Variants in DYNC2H1 observed in about 807,000 individuals in gnomAD.
DYNC2H1 encodes dynein cytoplasmic 2 heavy chain 1, also known as cytoplasmic dynein 2 heavy chain 1.
A neutral mutation model predicts 570.0 loss-of-function variants in DYNC2H1; 410 were observed. The observed-to-expected ratio is 0.72, with a 90% CI of 0.66 to 0.78. DYNC2H1 has a LOEUF of 0.78. Among genes scored for constraint, DYNC2H1 ranks in the 30% least tolerant of loss-of-function variants. DYNC2H1 has a pLI of 0.00. For missense variants in DYNC2H1, 4,865 were observed against 5,046.4 expected (o/e 0.96, Z 1.09); for synonymous variants, 1,688 against 1,677.6 (o/e 1.01, Z -0.15).
At position 103,465,556 on chromosome 11, in the gene DYNC2H1, A is replaced by G. The variant is rs150582203; in HGVS notation, c.12649-3033A>G. 7.0e-3 allele frequency among the ~76,000 whole-genome samples: 1,059 copies of G among 152,224 alleles called. 42 individuals carry two copies. The highest frequency in any genetic ancestry group is 0.057 in the Admixed American group (869 of 15,284). Reference sequence around the variant, plus strand: ...AATACCAATTTATTATTTTCTCACAATTCTGTGGGTTGCCTAGTAGATCCT... The same window carrying G: ...AATACCAATTTATTATTTTCTCACAGTTCTGTGGGTTGCCTAGTAGATCCT... On this transcript the variant is annotated intron_variant, in intron 87 of 88. Transcript: ENST00000375735. This position sits in a 1 kb window ranked among gnomAD's most constrained non-coding sequence, Gnocchi z 4.9.
intron 83 of DYNC2H1, among the ~76,000 whole-genome samples, chr11:103,364,623 A>G (rs1047932008): frequency 6.7e-6 from 1 of 149,518 alleles, no homozygotes; most frequent in African/African-American, 2.5e-5. Flanking sequence ...TTAAGCAGGT[A>G]GTCAACCTAT....
rs187762465 is a variant in DYNC2H1 at position 103,421,424 on chromosome 11, A to G, written c.12367-14519A>G. ...CATTCTTCTCATTGCCACATGGTAC[A>G]TACTATAAAATTGATCACATAATTA... On this transcript the variant is annotated intron_variant, in intron 84 of 88. Transcript: ENST00000375735. Among the ~76,000 whole-genome samples the G allele has an allele frequency of 3.4e-3, 520 of 152,292 alleles. 3 individuals carry two copies. The highest frequency in any genetic ancestry group is 0.012 in the African/African-American group (491 of 41,578).
intron 47 of DYNC2H1, among the ~76,000 whole-genome samples, chr11:103,194,752 C>CT (rs1400077115): frequency 1.3e-5 from 2 of 151,982 alleles, no homozygotes; most frequent in Non-Finnish European, 2.9e-5. Context: ...GAGTCTCACT[C>CT]TGTTTCCCAG....
rs1228692792 is a variant in DYNC2H1 at position 103,185,727 on chromosome 11, T to C, written c.6634-515T>C. ...TCATTGTTACCACTCAGTGACATACTATATGCTGCTTTTAAGCACATACTC... is the reference window on the plus strand; with the variant it reads ...TCATTGTTACCACTCAGTGACATACCATATGCTGCTTTTAAGCACATACTC... On this transcript the variant is annotated intron_variant, in intron 41 of 88. Transcript: ENST00000375735. The surrounding 1 kb of genome is among the most constrained non-coding windows in gnomAD (Gnocchi z 4.5). Among the ~76,000 whole-genome samples, 1 of 151,956 alleles carries C rather than the reference T, an allele frequency of 6.6e-6. No homozygotes were observed. Among genetic ancestry groups the C allele is most frequent in the African/African-American group, 2.4e-5 (1 of 41,418 alleles).
chr11:103,168,535 G>A (rs536158458), intron 31 of DYNC2H1, among the ~76,000 whole-genome samples: 14 of 152,156 alleles, frequency 9.2e-5, no homozygotes, highest in Admixed American at 6.5e-4. Flanking sequence ...TTTTCTCTTG[G>A]AATTTTGATA....
chr11:103,291,445 A>AAATAAATAAATAAAT (rs1555091734), intron 75 of DYNC2H1, among the ~76,000 whole-genome samples: 90 of 151,746 alleles, frequency 5.9e-4, no homozygotes, highest in African/African-American at 2.0e-3. Context: ...CTCAATAAAT[A>AAATAAATAAATAAAT]AATAAATAAA....
intron 59 of DYNC2H1, among the ~76,000 whole-genome samples, chr11:103,224,039 C>T (rs1361506702): frequency 6.6e-6 from 1 of 152,070 alleles, no homozygotes; most frequent in African/African-American, 2.4e-5. Flanking sequence ...AGCCACCGTG[C>T]CTTGCTGGAA....
Position 103,186,128 on chromosome 11 carries a change from TAA to T in DYNC2H1, c.6634-112_6634-111del, listed in dbSNP as rs1862057645. ...AATGATAAAATAGGTTTAGTTTATG[TAA>T]AGTTTTCTTGGAACTAAGATGATTT... On this transcript the variant is annotated intron_variant, in intron 41 of 88. Transcript: ENST00000375735. The surrounding 1 kb of genome is among the most constrained non-coding windows in gnomAD (Gnocchi z 4.5). The T allele has an allele frequency of 2.9e-6, 3 of 1,050,944 alleles. No homozygotes were observed. The highest frequency in any genetic ancestry group is 2.5e-4 in the Middle Eastern group (1 of 3,958). The allele number at this position is 1,050,944 out of a possible 1,614,324, so 65.1% of individuals were successfully genotyped here. A position where few individuals can be genotyped will look rare whatever the true frequency, so the allele number is the denominator to read the frequency against.
chr11:103,418,395 T>C (rs1943363266), intron 84 of DYNC2H1, among the ~76,000 whole-genome samples: 2 of 152,264 alleles, frequency 1.3e-5, no homozygotes, highest in East Asian at 3.9e-4. Flanking sequence ...TTATTGAAAA[T>C]TGAAATTTAA....
intron 83 of DYNC2H1, among the ~76,000 whole-genome samples, chr11:103,364,040 T>G (rs1940779940): frequency 6.6e-6 from 1 of 152,128 alleles, no homozygotes; most frequent in South Asian, 2.1e-4. Flanking sequence ...ATTCTAGATA[T>G]CTGACAGAGA....
intron 17 of DYNC2H1, among the ~76,000 whole-genome samples, chr11:103,138,647 T>A (rs1565332768): frequency 1.3e-5 from 2 of 152,238 alleles, no homozygotes; most frequent in Admixed American, 6.5e-5. Flanking sequence ...ACATCGATGT[T>A]CATCAAGGAT....
intron 83 of DYNC2H1, among the ~76,000 whole-genome samples, chr11:103,386,554 G>T (rs2671400): frequency 0.67 from 101,476 of 151,258 alleles, 34,124 homozygotes; most frequent in Admixed American, 0.73. Flanking sequence ...CAGCGTGCAG[G>T]TTTGTTACAT....
Position 103,113,648 on chromosome 11 carries a change from T to A in DYNC2H1, c.307T>A (p.Ser103Thr). ...DNILVSSMLE[S>T]PISSLYQAVR... is the part of the protein sequence containing the mutation. ...CATTCTTGTTTCATCTATGTTAGAGTCACCTATTAGTTCTCTTTACCAAGC... is the reference window on the plus strand; with the variant it reads ...CATTCTTGTTTCATCTATGTTAGAGACACCTATTAGTTCTCTTTACCAAGC... The change falls in exon 2 of 89, where the codon TCA (serine) becomes ACA (threonine). Residue 103 changes from serine (S) to threonine (T), a missense_variant. Ser to Thr is a moderately conservative substitution (Grantham distance 58). Coordinates refer to ENST00000375735, the MANE Select transcript of DYNC2H1 (RefSeq NM_001377.3). 6.3e-7 allele frequency: 1 copy of A among 1,575,964 alleles called. No homozygotes were observed. Among genetic ancestry groups the A allele is most frequent in the African/African-American group, 1.4e-5 (1 of 72,704 alleles).
At chr11:103,250,809 T>C (rs1023878777) in intron 65 of DYNC2H1, among the ~76,000 whole-genome samples, 1 of 132,190 alleles carries the variant, frequency 7.6e-6, no homozygotes, top group Non-Finnish European at 1.7e-5. Flanking sequence ...CCTTAGTATT[T>C]TGTTGTTTAA....
At chr11:103,284,132 G>T (rs1168299308) in intron 73 of DYNC2H1, among the ~76,000 whole-genome samples, 1 of 152,072 alleles carries the variant, frequency 6.6e-6, no homozygotes, top group Non-Finnish European at 1.5e-5. Context: ...TGATTCTGAT[G>T]ACTTCGGCCT....
chr11:103,155,090 C>A (rs1361602162), intron 24 of DYNC2H1, among the ~76,000 whole-genome samples: 1 of 151,938 alleles, frequency 6.6e-6, no homozygotes, highest in Non-Finnish European at 1.5e-5. Flanking sequence ...TAGAAATAGT[C>A]TATGCCATGT....
intron 82 of DYNC2H1, among the ~76,000 whole-genome samples, chr11:103,356,968 G>A (rs889394020): frequency 4.6e-5 from 7 of 152,076 alleles, no homozygotes; most frequent in African/African-American, 1.7e-4. Context: ...AAATGTTGAA[G>A]TTTAAAATGC....
At chr11:103,126,008 G>A (rs1858977496) in intron 12 of DYNC2H1, among the ~76,000 whole-genome samples, 1 of 152,152 alleles carries the variant, frequency 6.6e-6, no homozygotes, top group Non-Finnish European at 1.5e-5. Flanking sequence ...TGGGCAGTGT[G>A]AAAATCACTG....
chr11:103,168,777 A>T lies in DYNC2H1; in HGVS notation c.4785A>T (p.Lys1595Asn), dbSNP rs745560531. The change falls in exon 32 of 89, where the codon AAA becomes AAT. Residue 1595 changes from lysine (K) to asparagine (N), a missense_variant. Physicochemically the swap from Lys to Asn is moderately conservative, Grantham distance 94. Around this residue, in one of 5 missense-constraint regions of DYNC2H1, gnomAD observed 1,936 missense variants for 1,962.1 expected, o/e 0.99. Transcript: ENST00000375735. ...GNTESGILEL[K>N]LKALILDIIH... ...TAGAATCGGGCATCCTGGAGCTTAA[A>T]CTTAAAGCCCTAATTCTTGACATTA... 6.2e-7 allele frequency: 1 copy of T among 1,612,910 alleles called. No homozygotes were observed. Among genetic ancestry groups the T allele is most frequent in the Non-Finnish European group, 8.5e-7 (1 of 1,179,424 alleles).
Sources: gnomAD v4.1 joint callset for allele counts (sites outside exome capture counted in the v4.1 genomes callset) on GRCh38, gnomAD v4.1.1 for gene constraint, gnomAD v4.1.1 regional missense constraint, Gnocchi (gnomAD v3.1) non-coding constraint, MANE v1.5 for transcripts, NCBI Gene and HGNC (gene_info 2026-07-23, HGNC 2026-07-21) for gene names.